Variants in PCSK5 observed in about 807,000 individuals in gnomAD.
The protein encoded by PCSK5 is proprotein convertase subtilisin/kexin type 5.
Under a neutral mutation model 233.2 loss-of-function variants are expected in PCSK5, and 129 were observed. The observed-to-expected ratio is 0.55, with a 90% CI of 0.48 to 0.64. PCSK5 has a LOEUF of 0.64. PCSK5 is among the 30% of genes least tolerant of loss of function. PCSK5 has a pLI of 0.00. For missense variants in PCSK5, 2,076 were observed against 2,430.1 expected, an observed-to-expected ratio of 0.85 and a Z score of 3.06; for synonymous variants, 825 against 879.2, an observed-to-expected ratio of 0.94 and a Z score of 1.09.
chr9:75,891,255 G>A lies in PCSK5; in HGVS notation c.74G>A (p.Cys25Tyr). The change falls in exon 1 of 38, where the codon TGC (cysteine) becomes TAC (tyrosine). Residue 25 changes from cysteine (C) to tyrosine (Y), a missense_variant. Cys to Tyr is a radical substitution (Grantham distance 194). Transcript: ENST00000674117. ...TGCGTGCTGGCGCTGCTCGGGGGCT[G>A]CCTGCTCCCCGTGTGTCGGACGCGC... is the stretch of plus-strand genomic sequence containing the variant. ...LLCVLALLGG[C>Y]LLPVCRTRVY... 1 of 1,527,906 alleles carries A rather than the reference G, an allele frequency of 6.5e-7. No homozygotes were observed. Among genetic ancestry groups the A allele is most frequent in the Non-Finnish European group, 8.7e-7 (1 of 1,147,516 alleles). The allele number at this position is 1,527,906 out of a possible 1,614,324, so 94.6% of individuals were successfully genotyped here. A position where few individuals can be genotyped will look rare whatever the true frequency, so the allele number is the denominator to read the frequency against.
At chr9:76,231,469 T>C (rs935836196) in intron 21 of PCSK5, among the ~76,000 whole-genome samples, 4 of 152,214 alleles carry the variant, frequency 2.6e-5, no homozygotes, top group African/African-American at 9.7e-5. Flanking sequence ...TCACATCCCT[T>C]TCTCAATTGA....
intron 31 of PCSK5, 78 bp downstream of exon 31, chr9:76,321,717 C>G: frequency 1.1e-6 from 1 of 875,382 alleles, no homozygotes; most frequent in Non-Finnish European, 1.8e-6. Flanking sequence ...GGGTGGATGG[C>G]AAAGAGCTGT....
intron 1 of PCSK5, among the ~76,000 whole-genome samples, chr9:75,895,369 A>C (rs1425099470): frequency 2.0e-5 from 3 of 152,234 alleles, no homozygotes; most frequent in African/African-American, 7.2e-5. Flanking sequence ...GAGAAAGGTC[A>C]AAATAATTGA....
chr9:76,138,854 C>T (rs1289318840), intron 10 of PCSK5, among the ~76,000 whole-genome samples: 1 of 152,006 alleles, frequency 6.6e-6, no homozygotes, highest in Non-Finnish European at 1.5e-5. Flanking sequence ...GAGGTTACCA[C>T]GCCTTCCATT....
At chr9:76,096,884 G>T (rs986994875) in intron 8 of PCSK5, among the ~76,000 whole-genome samples, 7 of 151,210 alleles carry the variant, frequency 4.6e-5, no homozygotes, top group Admixed American at 3.9e-4. Flanking sequence ...TTACAGGCGT[G>T]AGCCACTGCG....
chr9:76,332,078 C>T (rs558781201), intron 33 of PCSK5, among the ~76,000 whole-genome samples: 4 of 152,246 alleles, frequency 2.6e-5, no homozygotes, highest in Admixed American at 1.3e-4. Context: ...CCACAGGCGC[C>T]GGACTGTAGT....
At chr9:76,248,564 G>A (rs953444923) in intron 24 of PCSK5, among the ~76,000 whole-genome samples, 1 of 152,100 alleles carries the variant, frequency 6.6e-6, no homozygotes, top group African/African-American at 2.4e-5. Context: ...CAAATCATAA[G>A]TAGATATAAA....
chr9:76,055,708 G>T lies in PCSK5; in HGVS notation c.633-12247G>T, dbSNP rs151147434. The stretch of plus-strand genomic sequence containing the variant: ...CATGAAATCTTGGCAATTATTCAAA[G>T]CCTTAAGAATGTAGGCCTCTCTGAG... On this transcript the variant is annotated intron_variant, in intron 5 of 37. Transcript: ENST00000674117. Among the ~76,000 whole-genome samples, 30 of 152,240 alleles carry T rather than the reference G, an allele frequency of 2.0e-4. No homozygotes were observed. In the East Asian group the frequency reaches 5.6e-3, roughly 28 times the overall value.
intron 5 of PCSK5, among the ~76,000 whole-genome samples, chr9:76,038,135 G>A (rs1311507026): frequency 6.6e-6 from 1 of 151,998 alleles, no homozygotes; most frequent in Admixed American, 6.6e-5. Flanking sequence ...TCCTTCTGAG[G>A]TTCATTCTCA....
intron 2 of PCSK5, among the ~76,000 whole-genome samples, chr9:75,976,706 A>T (rs1274704016): frequency 1.3e-5 from 2 of 151,708 alleles, no homozygotes; most frequent in Non-Finnish European, 2.9e-5. Flanking sequence ...AAAATATTAA[A>T]TACTTTATTC....
chr9:75,987,633 A>G (rs1826575037), intron 3 of PCSK5, among the ~76,000 whole-genome samples: 1 of 152,070 alleles, frequency 6.6e-6, no homozygotes, highest in Admixed American at 6.5e-5. Flanking sequence ...TTACACAGAA[A>G]TTTTCCTCAT....
At chr9:76,308,568 T>C (rs766160055) in intron 28 of PCSK5, 77 bp from the exon 29 acceptor site, 29 of 778,648 alleles carry the variant, frequency 3.7e-5, no homozygotes, top group Non-Finnish European at 6.3e-5. Flanking sequence ...AGGTAACCCA[T>C]GAGATCTTTT....
intron 2 of PCSK5, among the ~76,000 whole-genome samples, chr9:75,958,291 C>T (rs1481147119): frequency 1.3e-5 from 2 of 152,172 alleles, no homozygotes; most frequent in African/African-American, 2.4e-5. Context: ...GCCTCTGACC[C>T]AATCCAGGCT....
intron 1 of PCSK5, among the ~76,000 whole-genome samples, chr9:75,913,660 T>G (rs1364979056): frequency 1.3e-5 from 2 of 152,192 alleles, no homozygotes; most frequent in Non-Finnish European, 2.9e-5. Flanking sequence ...TCATCTCATG[T>G]CTCATTACCA....
intron 7 of PCSK5, among the ~76,000 whole-genome samples, chr9:76,081,456 AAAAT>A (rs1031714478): frequency 1.8e-4 from 27 of 149,826 alleles, no homozygotes; most frequent in Non-Finnish European, 3.5e-4. Flanking sequence ...CTCTGTCTCA[AAAAT>A]AAATAAATAA....
chr9:76,075,896 C>T (rs1830627895), intron 7 of PCSK5, among the ~76,000 whole-genome samples: 1 of 152,140 alleles, frequency 6.6e-6, no homozygotes, highest in East Asian at 1.9e-4. Context: ...GTGAAAAAGA[C>T]GTCTGCATCT....
intron 35 of PCSK5, among the ~76,000 whole-genome samples, chr9:76,349,864 G>A (rs987391184): frequency 6.6e-6 from 1 of 152,220 alleles, no homozygotes; most frequent in African/African-American, 2.4e-5. Context: ...GTTTGGATCA[G>A]TCCTTTTTGG....
intron 5 of PCSK5, among the ~76,000 whole-genome samples, chr9:76,041,096 C>G (rs1284306585): frequency 6.6e-6 from 1 of 152,170 alleles, no homozygotes; most frequent in Admixed American, 6.5e-5. Context: ...GTGTAGCTCT[C>G]TCTTCCTCAA....
At chr9:76,015,514 C>T (rs1402096409) in intron 3 of PCSK5, among the ~76,000 whole-genome samples, 1 of 152,164 alleles carries the variant, frequency 6.6e-6, no homozygotes. Context: ...AATAATCATA[C>T]AGCACAAGTG....
Sources: gnomAD v4.1 joint callset for allele counts (sites outside exome capture counted in the v4.1 genomes callset) on GRCh38, gnomAD v4.1.1 for gene constraint, MANE v1.5 for transcripts, NCBI Gene and HGNC (gene_info 2026-07-23, HGNC 2026-07-21) for gene names.